Variants in EYS observed in about 807,000 individuals in gnomAD.
EYS encodes EGF-like photoreceptor maintenance factor.
EYS carries 250 observed loss-of-function variants against 282.1 expected under a neutral mutation model. The ratio of observed to expected loss-of-function variants is 0.89; its 90% confidence interval spans 0.80 to 0.98. The LOEUF is 0.98. EYS is among the 50% of genes least tolerant of loss of function. EYS has a pLI of 0.00. For synonymous variants in EYS, 1,355 were observed against 1,282.9 expected (o/e 1.06, Z -1.20); for missense variants, 4,016 against 3,709.0 (o/e 1.08, Z -2.15).
intron 33 of EYS, among the ~76,000 whole-genome samples, chr6:64,058,459 TA>T (rs954173282): frequency 7.0e-4 from 107 of 152,240 alleles, no homozygotes; most frequent in African/African-American, 2.6e-3. Context: ...TCTCTAACCA[TA>T]ATGATAAATT....
At chr6:63,921,837 G>T (rs1038936009) in intron 35 of EYS, among the ~76,000 whole-genome samples, 1 of 152,186 alleles carries the variant, frequency 6.6e-6, no homozygotes, top group Admixed American at 6.5e-5. Flanking sequence ...ACATTCTTAA[G>T]ATTTGTGTCT....
At chr6:64,120,209 A>T (rs1773532276) in intron 31 of EYS, among the ~76,000 whole-genome samples, 1 of 151,370 alleles carries the variant, frequency 6.6e-6, no homozygotes. Context: ...ACAAAAAATT[A>T]GCCAGGCATG....
chr6:65,354,136 A>C (rs1050521865), intron 8 of EYS, among the ~76,000 whole-genome samples: 2 of 152,088 alleles, frequency 1.3e-5, no homozygotes, highest in African/African-American at 2.4e-5. Context: ...TCCACAATTG[A>C]ACTAACTAAA....
rs369215462 is a variant in EYS at position 65,348,453 on chromosome 6, C to A, written c.1460-4276G>T. Among the ~76,000 whole-genome samples, 6 of 151,686 alleles carry A rather than the reference C, an allele frequency of 4.0e-5. No individual in the cohort carries two copies. In the South Asian group the frequency reaches 1.0e-3, roughly 26 times the overall value. On this transcript the variant is annotated intron_variant, in intron 9 of 42. Transcript: ENST00000503581. The stretch of plus-strand genomic sequence containing the variant: ...GACATCTCATTTTAGTTATGATTTG[C>A]ATTTATCTGATGACTAATAATGTTG...
chr6:63,942,340 C>G (rs1315261268), intron 35 of EYS, among the ~76,000 whole-genome samples: 1 of 152,114 alleles, frequency 6.6e-6, no homozygotes, highest in East Asian at 1.9e-4. Flanking sequence ...ATGACAAAGC[C>G]AATCAAGGAA....
At chr6:65,178,236 G>A (rs1469980088) in intron 12 of EYS, among the ~76,000 whole-genome samples, 3 of 152,022 alleles carry the variant, frequency 2.0e-5, no homozygotes, top group Admixed American at 2.0e-4. Flanking sequence ...GCAGACAGCA[G>A]AGAGCCTTCT....
intron 41 of EYS, among the ~76,000 whole-genome samples, chr6:63,752,813 T>A (rs879944908): frequency 6.6e-6 from 1 of 152,056 alleles, no homozygotes; most frequent in African/African-American, 2.4e-5. Context: ...TTTTCTTAAA[T>A]TGAAGTTTGC....
intron 5 of EYS, among the ~76,000 whole-genome samples, chr6:65,449,975 C>A (rs1194595126): frequency 6.6e-6 from 1 of 152,044 alleles, no homozygotes; most frequent in Non-Finnish European, 1.5e-5. Flanking sequence ...TCAAAAAATT[C>A]TGTGATCATA....
intron 8 of EYS, among the ~76,000 whole-genome samples, chr6:65,372,766 T>A (rs1765211327): frequency 1.3e-5 from 2 of 152,090 alleles, no homozygotes; most frequent in South Asian, 4.1e-4. Context: ...CTTATGCCAC[T>A]TCAATTATAA....
intron 15 of EYS, among the ~76,000 whole-genome samples, chr6:64,942,752 CA>C (rs1422942707): frequency 1.3e-5 from 2 of 148,610 alleles, no homozygotes; most frequent in African/African-American, 5.0e-5. Flanking sequence ...AATAAAGCCC[CA>C]GACCAGATGG....
In EYS at chr6:64,446,230, T is replaced by C. The variant is rs193126082; in HGVS notation, c.5645-6878A>G. On this transcript the variant is annotated intron_variant, in intron 26 of 42. Coordinates refer to ENST00000503581, the MANE Select transcript of EYS (RefSeq NM_001142800.2). The stretch of plus-strand genomic sequence containing the variant: ...CACATGTAATTATTTAAGTTTTCAG[T>C]ACATACTAATAGCCACTCCCCTTGC... Among the ~76,000 whole-genome samples, 581 of 152,288 alleles carry C rather than the reference T, an allele frequency of 3.8e-3. 4 individuals carry two copies. The highest frequency in any genetic ancestry group is 0.013 in the African/African-American group (540 of 41,570).
chr6:65,348,497 T>C (rs924575939), intron 9 of EYS, among the ~76,000 whole-genome samples: 1 of 151,816 alleles, frequency 6.6e-6, no homozygotes, highest in African/African-American at 2.4e-5. Context: ...TTCATATGCC[T>C]GTTTGCTATT....
intron 13 of EYS, among the ~76,000 whole-genome samples, chr6:65,040,019 C>A (rs1225246657): frequency 6.6e-6 from 1 of 151,600 alleles, no homozygotes; most frequent in Non-Finnish European, 1.5e-5. Context: ...CTTGCACTTT[C>A]TGATTCTTTC....
chr6:64,481,274 GTATATATA>G (rs61390164), intron 26 of EYS, among the ~76,000 whole-genome samples: 19 of 140,550 alleles, frequency 1.4e-4, no homozygotes, highest in South Asian at 4.5e-4. Context: ...GTGTGTGTGT[GTATATATA>G]TATATATATA....
At chr6:63,727,753 T>TATATATATATATATATATATA (rs1554164611) in intron 41 of EYS, among the ~76,000 whole-genome samples, 1 of 104,548 alleles carries the variant, frequency 9.6e-6, no homozygotes, top group Non-Finnish European at 1.8e-5. Context: ...TATATATATG[T>TATATATATATATATATATATA]TAGCTGGGCA....
chr6:65,029,054 G>A (rs1772516353), intron 13 of EYS, among the ~76,000 whole-genome samples: 1 of 151,928 alleles, frequency 6.6e-6, no homozygotes, highest in South Asian at 2.1e-4. Context: ...CTCCTACTTA[G>A]CCAGTGGAAA....
intron 33 of EYS, among the ~76,000 whole-genome samples, chr6:64,028,398 A>G (rs1350728948): frequency 2.6e-5 from 4 of 152,232 alleles, no homozygotes; most frequent in African/African-American, 4.8e-5. Flanking sequence ...CAACACCCCA[A>G]TTCTAGGAGT....
intron 12 of EYS, among the ~76,000 whole-genome samples, chr6:65,102,269 C>A (rs1581911482): frequency 6.6e-6 from 1 of 151,310 alleles, no homozygotes; most frequent in Non-Finnish European, 1.5e-5. Context: ...CATTTAAAAG[C>A]AAAATGACTT....
intron 5 of EYS, among the ~76,000 whole-genome samples, chr6:65,438,773 G>T (rs1324515410): frequency 6.6e-6 from 1 of 152,048 alleles, no homozygotes; most frequent in Non-Finnish European, 1.5e-5. Flanking sequence ...CAGATGAGTA[G>T]ATTGCAAAAA....
Sources: gnomAD v4.1 joint callset for allele counts (sites outside exome capture counted in the v4.1 genomes callset) on GRCh38, gnomAD v4.1.1 for gene constraint, MANE v1.5 for transcripts, NCBI Gene and HGNC (gene_info 2026-07-23, HGNC 2026-07-21) for gene names.